The following MTREX variants were observed in gnomAD, a reference collection of about 807,000 sequenced individuals.
MTREX encodes the protein Mtr4 exosome RNA helicase.
A neutral mutation model predicts 135.4 loss-of-function variants in MTREX; 76 were observed. The ratio of observed to expected loss-of-function variants is 0.56; its 90% CI spans 0.47 to 0.68. The LOEUF is 0.68. Among genes scored for constraint, MTREX ranks in the 30% least tolerant of loss-of-function variants. The probability of loss-of-function intolerance (pLI) is 0.00; values close to 1 mark genes in which losing one functional copy is unlikely to be tolerated. For synonymous variants in MTREX, 404 were observed against 401.6 expected (o/e 1.01, Z -0.07); for missense variants, 920 against 1,262.1 (o/e 0.73, Z 4.11).
At chr5:55,308,323 G>C (rs1579838557) in intron 1 of MTREX, among the ~76,000 whole-genome samples, 176 bp downstream of exon 1, 1 of 151,916 alleles carries the variant, frequency 6.6e-6, no homozygotes, top group Non-Finnish European at 1.5e-5. Context: ...TGGAAGGGGG[G>C]TCTTGGCGTT....
chr5:55,333,336 G>A (rs931135521), intron 5 of MTREX, among the ~76,000 whole-genome samples: 4 of 152,148 alleles, frequency 2.6e-5, no homozygotes, highest in Non-Finnish European at 4.4e-5. Flanking sequence ...CTGTTCAGAA[G>A]ATGCTTAATT....
At chr5:55,364,152 T>C (rs1009023756) in intron 15 of MTREX, among the ~76,000 whole-genome samples, 4 of 152,306 alleles carry the variant, frequency 2.6e-5, no homozygotes, top group African/African-American at 7.2e-5. Flanking sequence ...AATGATACTT[T>C]AGGAAACAGG....
At chr5:55,382,402 C>T (rs887073936) in intron 18 of MTREX, among the ~76,000 whole-genome samples, 6 of 151,888 alleles carry the variant, frequency 4.0e-5, no homozygotes, top group African/African-American at 9.7e-5. Flanking sequence ...TTTCCATATA[C>T]GTATTATTAG....
In MTREX at chr5:55,341,755, T is replaced by C. The variant is rs1749652438; in HGVS notation, c.765T>C (p.His255=). The C allele has an allele frequency of 1.3e-6, 2 of 1,540,542 alleles. No individual in the cohort carries two copies. Among genetic ancestry groups the C allele is most frequent in the African/African-American group, 1.4e-5 (1 of 73,310 alleles). ...EVAWVIFDEI[H]YMRDSERGVV... Reference sequence around the variant, plus strand: ...CTTGGGTTATATTTGATGAAATTCATTATATGAGAGATTCAGGTATATTCA... The same window carrying C: ...CTTGGGTTATATTTGATGAAATTCACTATATGAGAGATTCAGGTATATTCA... The change falls in exon 7 of 27, where the codon CAT becomes CAC. Residue 255 remains histidine, a synonymous_variant. Coordinates refer to ENST00000230640, the MANE Select transcript of MTREX (RefSeq NM_015360.5).
intron 16 of MTREX, among the ~76,000 whole-genome samples, chr5:55,367,416 G>A (rs1471507640): frequency 1.3e-5 from 2 of 151,600 alleles, no homozygotes; most frequent in Non-Finnish European, 2.9e-5. Flanking sequence ...AACACGGGAG[G>A]TGGAGGTTGC....
At position 55,422,863 on chromosome 5, in the gene MTREX, T is replaced by C. The variant is rs765077382; in HGVS notation, c.2972-15T>C. The C allele has an allele frequency of 7.5e-6, 12 of 1,602,794 alleles. No homozygotes were observed. Among genetic ancestry groups the C allele is most frequent in the Non-Finnish European group, 1.0e-5 (12 of 1,174,460 alleles). On this transcript the variant is annotated splice_polypyrimidine_tract_variant and intron_variant, in intron 25 of 26. Transcript: ENST00000230640. Reference sequence around the variant, plus strand: ...TATTTCCATTTTACCAGTGTTTTGTTCCTTTTCTATCCAGGCAGCATAATT... The same window carrying C: ...TATTTCCATTTTACCAGTGTTTTGTCCCTTTTCTATCCAGGCAGCATAATT...
At position 55,366,879 on chromosome 5, in the gene MTREX, A is replaced by C; in HGVS notation, c.1810+4A>C. On this transcript the variant is annotated splice_donor_region_variant and intron_variant, in intron 16 of 26. Transcript: ENST00000230640. Reference sequence around the variant, plus strand: ...GCAATTCCAGGAGTAGTAGAGAGTAAGTATAAAATACCATAACAGAGCTTA... The same window carrying C: ...GCAATTCCAGGAGTAGTAGAGAGTACGTATAAAATACCATAACAGAGCTTA... 1 of 1,594,696 alleles carries C rather than the reference A, an allele frequency of 6.3e-7. No individual in the cohort carries two copies. The highest frequency in any genetic ancestry group is 8.5e-7 in the Non-Finnish European group (1 of 1,169,674).
intron 12 of MTREX, 129 bp from the exon 13 acceptor site, chr5:55,350,790 A>G: frequency 1.3e-6 from 1 of 794,666 alleles, no homozygotes; most frequent in Non-Finnish European, 2.0e-6. Context: ...TTTTGCTTTT[A>G]TTCTGGAAAG....
At chr5:55,332,108 G>A (rs912240339) in intron 5 of MTREX, among the ~76,000 whole-genome samples, 1 of 152,064 alleles carries the variant, frequency 6.6e-6, no homozygotes, top group African/African-American at 2.4e-5. Context: ...TACTACCTGG[G>A]AACTTGTTAG....
At chr5:55,311,441 A>G (rs1749110489) in intron 1 of MTREX, among the ~76,000 whole-genome samples, 1 of 152,220 alleles carries the variant, frequency 6.6e-6, no homozygotes, top group South Asian at 2.1e-4. Flanking sequence ...TTATGCTACA[A>G]CAGCCTCCCT....
chr5:55,366,082 G>T (rs183343968), intron 15 of MTREX, among the ~76,000 whole-genome samples: 6 of 151,938 alleles, frequency 3.9e-5, no homozygotes, highest in Admixed American at 1.3e-4. Flanking sequence ...GTGAGTTTAG[G>T]TTGCATTATT....
chr5:55,373,723 A>G (rs574955342), intron 16 of MTREX, among the ~76,000 whole-genome samples: 90 of 151,690 alleles, frequency 5.9e-4, no homozygotes, highest in African/African-American at 2.1e-3. Flanking sequence ...TAAACTTAGG[A>G]CTTGTGACTA....
chr5:55,401,070 C>T lies in MTREX; in HGVS notation c.2481+649C>T, dbSNP rs145244733. On this transcript the variant is annotated intron_variant, in intron 21 of 26. Transcript: ENST00000230640. Reference sequence around the variant, plus strand: ...GTGTGTGTGAGACAGAGTCCTGCTCCGTCACCCAGGCTTCAGTCCAGTGGC... The same window carrying T: ...GTGTGTGTGAGACAGAGTCCTGCTCTGTCACCCAGGCTTCAGTCCAGTGGC... Among the ~76,000 whole-genome samples, 164 of 152,186 alleles carry T rather than the reference C, an allele frequency of 1.1e-3. 1 individual carries two copies. Among genetic ancestry groups the T allele is most frequent in the African/African-American group, 3.8e-3 (159 of 41,530 alleles).
intron 1 of MTREX, among the ~76,000 whole-genome samples, chr5:55,309,539 A>G (rs1352857240): frequency 3.3e-5 from 5 of 152,194 alleles, no homozygotes; most frequent in African/African-American, 1.2e-4. Flanking sequence ...TTAATTAAGG[A>G]AAACAAGGGA....
At chr5:55,323,326 A>G (rs1443080599) in intron 2 of MTREX, among the ~76,000 whole-genome samples, 1 of 152,258 alleles carries the variant, frequency 6.6e-6, no homozygotes, top group African/African-American at 2.4e-5. Context: ...AATCTAGCAC[A>G]GAAATACATC....
chr5:55,338,786 C>CTTTTTTTTT lies in MTREX; in HGVS notation c.516-1210_516-1202dup, dbSNP rs67612518. On this transcript the variant is annotated intron_variant, in intron 5 of 26. Coordinates refer to ENST00000230640, the MANE Select transcript of MTREX (RefSeq NM_015360.5). ...TTGTTAATCTGTAGACTTTCTTTTT[C>CTTTTTTTTT]TTTTTTTTTTTTTTTTTTTTTTGAG... 3.6e-3 allele frequency among the ~76,000 whole-genome samples: 330 copies of CTTTTTTTTT among 92,226 alleles called. 5 individuals carry two copies. The highest frequency in any genetic ancestry group is 8.7e-3 in the African/African-American group (189 of 21,760). The allele number at this position is 92,226 out of a possible 152,430, so 60.5% of individuals were successfully genotyped here.
intron 25 of MTREX, among the ~76,000 whole-genome samples, chr5:55,420,991 T>A (rs766742185): frequency 2.6e-5 from 4 of 152,194 alleles, no homozygotes; most frequent in African/African-American, 7.2e-5. Flanking sequence ...ATTTGAAAAA[T>A]TTTTTAAAGA....
chr5:55,417,892 CTTTT>C (rs1031656426), intron 25 of MTREX, among the ~76,000 whole-genome samples: 1 of 151,734 alleles, frequency 6.6e-6, no homozygotes, highest in African/African-American at 2.4e-5. Context: ...CAGAGAGTAG[CTTTT>C]TTTTATTTTT....
chr5:55,327,777 A>G lies in MTREX; in HGVS notation c.401A>G (p.Lys134Arg), dbSNP rs201957247. 7 of 1,610,334 alleles carry G rather than the reference A, an allele frequency of 4.3e-6. No individual in the cohort carries two copies. The East Asian group carries it at 1.1e-4, about 26-fold the overall frequency. ...PLKPRVGKAAKEYPFILDAFQ... is the reference protein window; with the variant it reads ...PLKPRVGKAAREYPFILDAFQ... ...AAACCACGAGTTGGAAAAGCTGCTA[A>G]GGTCTGTACTTTGGGTAATACAGTT... Residue 134 changes from lysine to arginine, a missense_variant and splice_region_variant, in exon 4 of 27, where the codon AAG becomes AGG. By Grantham distance (26) the Lys-to-Arg change is conservative. This residue lies in a region of MTREX where 82 missense variants were observed against 107.4 expected (regional missense o/e 0.76). Coordinates refer to ENST00000230640, the MANE Select transcript of MTREX (RefSeq NM_015360.5).
Sources: gnomAD v4.1 joint callset for allele counts (sites outside exome capture counted in the v4.1 genomes callset) on GRCh38, gnomAD v4.1.1 for gene constraint, gnomAD v4.1.1 regional missense constraint, MANE v1.5 for transcripts, NCBI Gene and HGNC (gene_info 2026-07-23, HGNC 2026-07-21) for gene names.